Variants in LRP1B observed in about 807,000 individuals in gnomAD.
The protein encoded by LRP1B is low-density lipoprotein receptor-related protein 1B.
A neutral mutation model predicts 556.6 loss-of-function variants in LRP1B; 217 were observed. The ratio of observed to expected loss-of-function variants is 0.39; its 90% CI spans 0.35 to 0.44. LRP1B has a LOEUF of 0.44. Among genes scored for constraint, LRP1B ranks in the 20% least tolerant of loss-of-function variants. LRP1B has a pLI of 1.00. For synonymous variants in LRP1B, 2,047 were observed against 1,865.8 expected, an observed-to-expected ratio of 1.10 and a Z score of -2.50; for missense variants, 5,053 against 5,620.8, an observed-to-expected ratio of 0.90 and a Z score of 3.23.
intron 3 of LRP1B, among the ~76,000 whole-genome samples, chr2:141,304,343 C>T (rs1686504611): frequency 6.6e-6 from 1 of 151,928 alleles, no homozygotes; most frequent in Non-Finnish European, 1.5e-5. Context: ...TTGCCTAGAT[C>T]AACGTATTGA....
intron 1 of LRP1B, among the ~76,000 whole-genome samples, chr2:141,939,497 GATA>G (rs979563276): frequency 3.3e-5 from 5 of 152,014 alleles, no homozygotes; most frequent in Non-Finnish European, 5.9e-5. Context: ...GCTTGTGAGA[GATA>G]ATTACAAAAT....
chr2:141,040,134 A>G (rs1698654351), intron 11 of LRP1B, among the ~76,000 whole-genome samples: 1 of 152,086 alleles, frequency 6.6e-6, no homozygotes, highest in South Asian at 2.1e-4. Context: ...TGACAAATGT[A>G]CTCATTATTT....
intron 23 of LRP1B, among the ~76,000 whole-genome samples, chr2:140,899,989 CA>C (rs1694058590): frequency 6.6e-6 from 1 of 151,266 alleles, no homozygotes; most frequent in African/African-American, 2.4e-5. Flanking sequence ...GAAAAAAAAA[CA>C]AAAAACTATG....
chr2:141,008,025 T>C (rs534078172), intron 14 of LRP1B, among the ~76,000 whole-genome samples: 1 of 151,594 alleles, frequency 6.6e-6, no homozygotes, highest in East Asian at 1.9e-4. Flanking sequence ...ACCCAACGTA[T>C]TTTTGAATTT....
chr2:141,490,386 T>C (rs72849680), intron 2 of LRP1B, among the ~76,000 whole-genome samples: 15 of 108,486 alleles, frequency 1.4e-4, no homozygotes, highest in East Asian at 9.4e-4. Flanking sequence ...TGTGTGTGTG[T>C]GTGTGTGTGT....
intron 35 of LRP1B, among the ~76,000 whole-genome samples, chr2:140,739,193 A>C (rs1234431870): frequency 1.3e-5 from 2 of 152,202 alleles, no homozygotes; most frequent in Admixed American, 1.3e-4. Context: ...TTTGAGAAAG[A>C]GATAGAGACA....
At chr2:140,690,083 A>C (rs1250334827) in intron 41 of LRP1B, among the ~76,000 whole-genome samples, 2 of 152,192 alleles carry the variant, frequency 1.3e-5, no homozygotes, top group African/African-American at 2.4e-5. Flanking sequence ...CATCTAAAGA[A>C]TATCAGAGCA....
chr2:141,091,880 C>A (rs1462835257), intron 7 of LRP1B, among the ~76,000 whole-genome samples: 1 of 152,192 alleles, frequency 6.6e-6, no homozygotes, highest in Non-Finnish European at 1.5e-5. Context: ...TTACAGTTTT[C>A]ACTTTGCAAA....
chr2:140,877,054 T>TC (rs1284327100), intron 25 of LRP1B, among the ~76,000 whole-genome samples: 3 of 152,166 alleles, frequency 2.0e-5, no homozygotes, highest in Non-Finnish European at 4.4e-5. Flanking sequence ...TGCTTTCATT[T>TC]TTTTTCCTTT....
At chr2:140,467,110 TTCAGAGAAGGCTA>T (rs2105336727) in intron 60 of LRP1B, among the ~76,000 whole-genome samples, 1 of 152,262 alleles carries the variant, frequency 6.6e-6, no homozygotes, top group East Asian at 1.9e-4. Context: ...AGGCAATCCA[TTCAGAGAAGGCTA>T]TACTTTTTGA....
At chr2:140,761,529 A>G (rs2104916325) in intron 35 of LRP1B, among the ~76,000 whole-genome samples, 1 of 152,288 alleles carries the variant, frequency 6.6e-6, no homozygotes, top group Middle Eastern at 3.4e-3. Flanking sequence ...CATTTTGTGA[A>G]TGCCTTCTCC....
At chr2:140,568,251 A>G (rs1198466652) in intron 43 of LRP1B, among the ~76,000 whole-genome samples, 5 of 151,902 alleles carry the variant, frequency 3.3e-5, no homozygotes, top group Admixed American at 3.3e-4. Flanking sequence ...CAGAGAGGAA[A>G]AATACCAAAT....
chr2:140,758,117 A>C (rs1688797550), intron 35 of LRP1B, among the ~76,000 whole-genome samples: 1 of 152,182 alleles, frequency 6.6e-6, no homozygotes, highest in African/African-American at 2.4e-5. Context: ...TTGAGACATT[A>C]TCACAAATGA....
chr2:140,919,722 A>C (rs111444971), intron 21 of LRP1B, among the ~76,000 whole-genome samples: 329 of 152,192 alleles, frequency 2.2e-3, no homozygotes, highest in Non-Finnish European at 3.3e-3. Context: ...TTTGTTCATC[A>C]GGCAGTATCT....
At chr2:140,971,032 C>T (rs1696405008) in intron 18 of LRP1B, among the ~76,000 whole-genome samples, 1 of 152,136 alleles carries the variant, frequency 6.6e-6, no homozygotes, top group African/African-American at 2.4e-5. Flanking sequence ...GCATGAGCCA[C>T]CGTGCTCAGC....
intron 41 of LRP1B, among the ~76,000 whole-genome samples, chr2:140,662,940 T>G (rs1685148194): frequency 6.6e-6 from 1 of 152,138 alleles, no homozygotes; most frequent in African/African-American, 2.4e-5. Context: ...TAGCAAATAT[T>G]AATAACAATC....
At chr2:140,518,088 C>T (rs999274721) in intron 49 of LRP1B, among the ~76,000 whole-genome samples, 1 of 151,980 alleles carries the variant, frequency 6.6e-6, no homozygotes, top group African/African-American at 2.4e-5. Flanking sequence ...GATCTATAGC[C>T]AAGCAGGAAG....
chr2:141,469,973 G>A (rs960382504), intron 3 of LRP1B, among the ~76,000 whole-genome samples: 3 of 152,268 alleles, frequency 2.0e-5, no homozygotes, highest in African/African-American at 7.2e-5. Context: ...GATTATTGAT[G>A]TTAATGTCTT....
chr2:141,163,309 T>C (rs1038173206), intron 7 of LRP1B, among the ~76,000 whole-genome samples: 4 of 152,080 alleles, frequency 2.6e-5, no homozygotes, highest in Admixed American at 2.0e-4. Context: ...TGTCAAACAA[T>C]TGCATATATT....
Sources: allele counts gnomAD v4.1 joint callset (sites outside exome capture counted in the v4.1 genomes callset), GRCh38; gene constraint gnomAD v4.1.1; transcripts MANE v1.5; gene names NCBI Gene and HGNC (gene_info 2026-07-23, HGNC 2026-07-21).